GAD2: variants seen among roughly 807,000 people sequenced by gnomAD.
GAD2 encodes the protein glutamate decarboxylase 2.
A neutral mutation model predicts 80.1 loss-of-function variants in GAD2; 22 were observed. The observed-to-expected ratio is 0.27, with a 90% CI of 0.20 to 0.39. The LOEUF is 0.39. Ranked by LOEUF, GAD2 falls within the 10% of genes least tolerant of loss-of-function variation. GAD2 has a pLI of 1.00. For missense variants in GAD2, 624 were observed against 738.4 expected (o/e 0.85, Z 1.80); for synonymous variants, 274 against 256.9 (o/e 1.07, Z -0.64).
Position 26,222,931 on chromosome 10 carries a change from ATCT to A in GAD2, c.521-952_521-950del, listed in dbSNP as rs530697042. Among the ~76,000 whole-genome samples, 49 of 152,372 alleles carry A rather than the reference ATCT, an allele frequency of 3.2e-4. No homozygotes were observed. The East Asian group carries it at 7.1e-3, about 22-fold the overall frequency. ...TCAGATGCTATTTCCACAATGGCCC[ATCT>A]TCTAAAATTTTTGCTGCTGTGCAAA... On this transcript the variant is annotated intron_variant, in intron 4 of 15. Transcript: ENST00000376261.
intron 9 of GAD2, among the ~76,000 whole-genome samples, chr10:26,270,237 G>A (rs1845118888): frequency 6.6e-6 from 1 of 152,132 alleles, no homozygotes; most frequent in Admixed American, 6.5e-5. Context: ...TCATTCTCCT[G>A]CCTACTCACT....
In GAD2 at chr10:26,297,353, TTTTAAG is replaced by T. The variant is rs1322455322; in HGVS notation, c.1585-3430_1585-3425del. ...GTGAAAAATACATTTCTGTGATATC[TTTTAAG>T]TTTATTTCATAATGCTTTACTATGC... On this transcript the variant is annotated intron_variant, in intron 15 of 15. Coordinates refer to ENST00000376261, the MANE Select transcript of GAD2 (RefSeq NM_001134366.2). Among the ~76,000 whole-genome samples the T allele has an allele frequency of 3.3e-5, 5 of 152,362 alleles. No homozygotes were observed. In the South Asian group the frequency reaches 8.3e-4, roughly 25 times the overall value.
In GAD2 at chr10:26,278,844, G is replaced by A. The variant is rs960270778; in HGVS notation, c.1158-2165G>A. Reference sequence around the variant, plus strand: ...GCCCAGATGAGATCCCCAGGCCAGTGAGCGCTCTCTGACTGTCTGGCTGAC... The same window carrying A: ...GCCCAGATGAGATCCCCAGGCCAGTAAGCGCTCTCTGACTGTCTGGCTGAC... On this transcript the variant is annotated intron_variant, in intron 11 of 15. Transcript: ENST00000376261. Among the ~76,000 whole-genome samples, 20 of 151,844 alleles carry A rather than the reference G, an allele frequency of 1.3e-4. No homozygotes were observed. The South Asian group carries it at 1.5e-3, about 11-fold the overall frequency.
At chr10:26,298,253 G>A (rs965583246) in intron 15 of GAD2, among the ~76,000 whole-genome samples, 2 of 152,182 alleles carry the variant, frequency 1.3e-5, no homozygotes, top group African/African-American at 2.4e-5. Flanking sequence ...AGTTGATATA[G>A]GAGTGTCTAT....
At chr10:26,296,425 GTTA>G (rs10571094) in intron 15 of GAD2, among the ~76,000 whole-genome samples, 13,056 of 152,160 alleles carry the variant, frequency 0.086, 1,828 homozygotes, top group African/African-American at 0.29. Flanking sequence ...GATAACAGAA[GTTA>G]TTAATAAAGC....
rs1171200866 is a variant in GAD2 at position 26,271,489 on chromosome 10, T to C, written c.1092+733T>C. Among the ~76,000 whole-genome samples the C allele has an allele frequency of 2.6e-5, 4 of 152,244 alleles. No individual in the cohort carries two copies. The South Asian group carries it at 6.2e-4, about 24-fold the overall frequency. On this transcript the variant is annotated intron_variant, in intron 10 of 15. Coordinates refer to ENST00000376261, the MANE Select transcript of GAD2 (RefSeq NM_001134366.2). ...ACCTGCAAACTGTTAATGATCCATATGAGATAAAGAGTTTGTGCCAAACCA... is the reference window on the plus strand; with the variant it reads ...ACCTGCAAACTGTTAATGATCCATACGAGATAAAGAGTTTGTGCCAAACCA...
Position 26,303,845 on chromosome 10 carries a change from T to G in GAD2, c.*2884T>G, listed in dbSNP as rs564404558. ...TCAGATTGGGGTTGTGCACTTTAGA[T>G]CTGAACTGTACAGTGTTGCAAATCA... On this transcript the variant is annotated 3_prime_UTR_variant, in exon 16 of 16. Coordinates refer to ENST00000376261, the MANE Select transcript of GAD2 (RefSeq NM_001134366.2). 1.3e-5 allele frequency: 2 copies of G among 152,362 alleles called. No individual in the cohort carries two copies. The highest frequency in any genetic ancestry group is 1.3e-4 in the Admixed American group (2 of 15,310). The allele number at this position is 152,362 out of a possible 1,614,324, so 9.4% of individuals were successfully genotyped here.
chr10:26,293,886 C>A (rs1425324431), intron 15 of GAD2, among the ~76,000 whole-genome samples: 1 of 152,242 alleles, frequency 6.6e-6, no homozygotes, highest in East Asian at 1.9e-4. Flanking sequence ...GTCCACCCAT[C>A]TTGCTGATGG....
intron 15 of GAD2, 51 bp from the exon 16 acceptor site, chr10:26,300,737 A>G (rs762089246): frequency 1.3e-6 from 2 of 1,558,336 alleles, no homozygotes; most frequent in Admixed American, 3.5e-5. Flanking sequence ...TCTTTGACTC[A>G]GGGGAGAGTC....
chr10:26,283,435 G>T (rs1364658404), intron 12 of GAD2, among the ~76,000 whole-genome samples: 1 of 152,212 alleles, frequency 6.6e-6, no homozygotes, highest in Non-Finnish European at 1.5e-5. Flanking sequence ...GATTGGACAA[G>T]GAAGGCTTGT....
Position 26,229,894 on chromosome 10 carries a change from A to G in GAD2, c.840+117A>G, listed in dbSNP as rs1033110738. 16 of 720,696 alleles carry G rather than the reference A, an allele frequency of 2.2e-5. No individual in the cohort carries two copies. The Admixed American group carries it at 3.8e-4, about 17-fold the overall frequency. The allele number at this position is 720,696 out of a possible 1,614,324, so 44.6% of individuals were successfully genotyped here. Reference sequence around the variant, plus strand: ...CCCTCTTTCTGGAAGACACCTTGGGAGGGAATGGGGGAGAAAGCTGAGTGG... The same window carrying G: ...CCCTCTTTCTGGAAGACACCTTGGGGGGGAATGGGGGAGAAAGCTGAGTGG... On this transcript the variant is annotated intron_variant, in intron 7 of 15. Coordinates refer to ENST00000376261, the MANE Select transcript of GAD2 (RefSeq NM_001134366.2).
intron 13 of GAD2, among the ~76,000 whole-genome samples, chr10:26,287,209 A>C (rs1845343983): frequency 6.6e-6 from 1 of 152,182 alleles, no homozygotes; most frequent in Non-Finnish European, 1.5e-5. Context: ...AAAGGTCACA[A>C]ATTAGTGCCT....
intron 8 of GAD2, among the ~76,000 whole-genome samples, chr10:26,250,495 T>G (rs1355826732): frequency 6.6e-6 from 1 of 151,692 alleles, no homozygotes; most frequent in Non-Finnish European, 1.5e-5. Context: ...ATAAGCTTTG[T>G]GGGATGAGGG....
intron 8 of GAD2, among the ~76,000 whole-genome samples, chr10:26,254,465 G>A (rs1034207167): frequency 6.6e-6 from 1 of 152,190 alleles, no homozygotes; most frequent in African/African-American, 2.4e-5. Context: ...TGTGTGACCG[G>A]TTCCTAACAG....
intron 11 of GAD2, 93 bp from the exon 12 acceptor site, chr10:26,280,916 G>C (rs1845263544): frequency 3.9e-6 from 3 of 771,396 alleles, no homozygotes; most frequent in Non-Finnish European, 6.8e-6. Flanking sequence ...TCTGGAGTCT[G>C]AGAAACAATA....
intron 7 of GAD2, among the ~76,000 whole-genome samples, chr10:26,243,042 A>AGACC (rs369682044): frequency 1.5e-5 from 2 of 133,786 alleles, no homozygotes; most frequent in African/African-American, 5.7e-5. Context: ...TGCACAAAAA[A>AGACC]CCCCCCCCCT....
intron 7 of GAD2, among the ~76,000 whole-genome samples, chr10:26,236,710 G>A (rs1423202386): frequency 6.6e-6 from 1 of 152,126 alleles, no homozygotes; most frequent in Non-Finnish European, 1.5e-5. Context: ...GGGCTGTTTG[G>A]GCAATTTGGA....
At chr10:26,241,594 G>A (rs1004036694) in intron 7 of GAD2, among the ~76,000 whole-genome samples, 12 of 150,958 alleles carry the variant, frequency 7.9e-5, no homozygotes, top group African/African-American at 2.0e-4. Flanking sequence ...TTTCAAAAAC[G>A]GATCTGATTT....
chr10:26,284,815 C>T (rs913126681), intron 12 of GAD2, among the ~76,000 whole-genome samples: 25 of 152,042 alleles, frequency 1.6e-4, no homozygotes, highest in Non-Finnish European at 1.8e-4. Flanking sequence ...GTGATCCACC[C>T]GCCTCGGCCT....
Sources: gnomAD v4.1 joint callset for allele counts (sites outside exome capture counted in the v4.1 genomes callset) on GRCh38, gnomAD v4.1.1 for gene constraint, MANE v1.5 for transcripts, NCBI Gene and HGNC (gene_info 2026-07-23, HGNC 2026-07-21) for gene names.